Variants in PARD3B observed in about 807,000 individuals in gnomAD.
PARD3B encodes par-3 family cell polarity regulator beta.
PARD3B carries 103 observed loss-of-function variants against 130.2 expected under a neutral mutation model. The observed-to-expected ratio is 0.79, with a 90% CI of 0.67 to 0.93. The LOEUF (loss-of-function observed/expected upper bound fraction) is 0.93, where lower values mean the gene tolerates loss of function less well. Ranked by LOEUF, PARD3B falls within the 40% of genes least tolerant of loss-of-function variation. The pLI, the probability that PARD3B is intolerant of heterozygous loss-of-function variation, is 0.00. For missense variants in PARD3B, 1,609 were observed against 1,499.2 expected (o/e 1.07, Z -1.21); for synonymous variants, 583 against 553.2 (o/e 1.05, Z -0.76).
chr2:205,598,717 A>G (rs1170911629), intron 22 of PARD3B, among the ~76,000 whole-genome samples: 3 of 152,180 alleles, frequency 2.0e-5, no homozygotes, highest in Admixed American at 6.6e-5. Context: ...GTGCTTGGCC[A>G]TAAAGCAAAT....
chr2:205,329,283 A>C (rs1050210399), intron 18 of PARD3B, among the ~76,000 whole-genome samples: 1 of 152,218 alleles, frequency 6.6e-6, no homozygotes, highest in Non-Finnish European at 1.5e-5. Flanking sequence ...TACTTTCTGT[A>C]TACCTTTCAT....
chr2:204,867,149 G>T (rs550577223), intron 2 of PARD3B, among the ~76,000 whole-genome samples: 1 of 151,998 alleles, frequency 6.6e-6, no homozygotes, highest in Non-Finnish European at 1.5e-5. Flanking sequence ...TAAAGCATTT[G>T]TTGATTTTTT....
chr2:205,327,125 ACTG>A (rs1337013317), intron 18 of PARD3B, among the ~76,000 whole-genome samples: 1 of 152,150 alleles, frequency 6.6e-6, no homozygotes, highest in East Asian at 1.9e-4. Context: ...CATATACATG[ACTG>A]CTATTTTCTT....
intron 18 of PARD3B, among the ~76,000 whole-genome samples, chr2:205,339,781 G>A (rs894666055): frequency 2.0e-5 from 3 of 152,038 alleles, no homozygotes; most frequent in Admixed American, 6.6e-5. Context: ...GACACCGACC[G>A]GGATGGTGAC....
intron 18 of PARD3B, among the ~76,000 whole-genome samples, chr2:205,365,015 G>A (rs966244962): frequency 5.3e-5 from 8 of 151,718 alleles, no homozygotes; most frequent in African/African-American, 1.5e-4. Context: ...GCCTGGGCAA[G>A]ATGGTGAAAC....
At chr2:204,990,822 T>C (rs2125240221) in intron 3 of PARD3B, among the ~76,000 whole-genome samples, 1 of 152,346 alleles carries the variant, frequency 6.6e-6, no homozygotes, top group South Asian at 2.1e-4. Flanking sequence ...TCTTCTACTT[T>C]ATATAAAAGT....
intron 1 of PARD3B, among the ~76,000 whole-genome samples, chr2:204,551,875 C>T (rs1184987544): frequency 2.0e-5 from 3 of 152,130 alleles, no homozygotes; most frequent in African/African-American, 7.2e-5. Context: ...GTTAAACATT[C>T]AGAGCTTTGG....
chr2:204,574,106 C>A (rs982641758), intron 1 of PARD3B, among the ~76,000 whole-genome samples: 4 of 152,148 alleles, frequency 2.6e-5, no homozygotes, highest in African/African-American at 9.7e-5. Flanking sequence ...AAGACTGCTA[C>A]TTTGTTCTCA....
intron 18 of PARD3B, among the ~76,000 whole-genome samples, chr2:205,383,255 A>G (rs1259463300): frequency 6.6e-6 from 1 of 152,080 alleles, no homozygotes; most frequent in Non-Finnish European, 1.5e-5. Context: ...TACCACAGTA[A>G]TCATTCTAGC....
intron 19 of PARD3B, among the ~76,000 whole-genome samples, chr2:205,430,501 G>A (rs574006866): frequency 6.6e-6 from 1 of 152,280 alleles, no homozygotes; most frequent in South Asian, 2.1e-4. Flanking sequence ...CAAGAGTTCA[G>A]TATCCATGTG....
Position 204,890,936 on chromosome 2 carries a change from CA to C in PARD3B, c.223-74215del, listed in dbSNP as rs1381687080. On this transcript the variant is annotated intron_variant, in intron 2 of 22. Coordinates refer to ENST00000406610, the MANE Select transcript of PARD3B (RefSeq NM_001302769.2). This position sits in a 1 kb window ranked among gnomAD's most constrained non-coding sequence, Gnocchi z 4.9. Reference sequence around the variant, plus strand: ...GGCAAGAGATAATATCTCTTGCCATCATCCACTGCCTCCATGAGGATATTCT... The same window carrying C: ...GGCAAGAGATAATATCTCTTGCCATCTCCACTGCCTCCATGAGGATATTCT... Among the ~76,000 whole-genome samples the C allele has an allele frequency of 1.3e-5, 2 of 152,172 alleles. No homozygotes were observed. The highest frequency in any genetic ancestry group is 1.5e-5 in the Non-Finnish European group (1 of 68,022).
intron 18 of PARD3B, among the ~76,000 whole-genome samples, chr2:205,386,118 A>T (rs1453340203): frequency 6.6e-6 from 1 of 152,194 alleles, no homozygotes; most frequent in East Asian, 1.9e-4. Flanking sequence ...CAAAGTCTGG[A>T]ATCGTGTTTT....
intron 1 of PARD3B, among the ~76,000 whole-genome samples, chr2:204,658,449 A>G (rs193231426): frequency 8.3e-4 from 126 of 152,340 alleles, no homozygotes; most frequent in African/African-American, 2.8e-3. Flanking sequence ...TTAGTAAATA[A>G]GTAGCCTGAA....
intron 3 of PARD3B, among the ~76,000 whole-genome samples, chr2:205,000,252 G>A (rs1467415863): frequency 6.6e-6 from 1 of 152,154 alleles, no homozygotes; most frequent in African/African-American, 2.4e-5. Context: ...AGCTTGATTT[G>A]CTACATTAGG....
At chr2:205,432,548 A>G (rs1192183500) in intron 19 of PARD3B, among the ~76,000 whole-genome samples, 1 of 152,098 alleles carries the variant, frequency 6.6e-6, no homozygotes, top group African/African-American at 2.4e-5. Context: ...CTGTCTCTCT[A>G]CCTGGAACAC....
At chr2:205,000,448 C>T (rs1412344590) in intron 3 of PARD3B, among the ~76,000 whole-genome samples, 1 of 152,062 alleles carries the variant, frequency 6.6e-6, no homozygotes. Flanking sequence ...CTAAAAATTC[C>T]ATGTTTGTTA....
At position 204,753,178 on chromosome 2, in the gene PARD3B, T is replaced by C. The variant is rs1559117035; in HGVS notation, c.222+66896T>C. Among the ~76,000 whole-genome samples the C allele has an allele frequency of 2.6e-5, 4 of 152,168 alleles. No homozygotes were observed. The South Asian group carries it at 8.3e-4, about 31-fold the overall frequency. On this transcript the variant is annotated intron_variant, in intron 2 of 22. Coordinates refer to ENST00000406610, the MANE Select transcript of PARD3B (RefSeq NM_001302769.2). Reference sequence around the variant, plus strand: ...GTAGTTTATATTAAAAAGTAAATTATCATTGAATGAGATTTTAGGTCTTTC... The same window carrying C: ...GTAGTTTATATTAAAAAGTAAATTACCATTGAATGAGATTTTAGGTCTTTC...
At chr2:204,682,296 C>T (rs535379630) in intron 1 of PARD3B, among the ~76,000 whole-genome samples, 1 of 152,192 alleles carries the variant, frequency 6.6e-6, no homozygotes, top group South Asian at 2.1e-4. Flanking sequence ...AAAATCCCAC[C>T]TTGGCTTTGC....
At chr2:205,240,199 T>C (rs1231168158) in intron 15 of PARD3B, among the ~76,000 whole-genome samples, 1 of 152,188 alleles carries the variant, frequency 6.6e-6, no homozygotes, top group African/African-American at 2.4e-5. Context: ...GCACAGAAAT[T>C]GATCTGCTAA....
Sources: gnomAD v4.1 joint callset for allele counts (sites outside exome capture counted in the v4.1 genomes callset) on GRCh38, gnomAD v4.1.1 for gene constraint, Gnocchi (gnomAD v3.1) non-coding constraint, MANE v1.5 for transcripts, NCBI Gene and HGNC (gene_info 2026-07-23, HGNC 2026-07-21) for gene names.